The following IMMP2L variants were observed in gnomAD, a reference collection of about 807,000 sequenced individuals.
The protein encoded by IMMP2L is inner mitochondrial membrane peptidase subunit 2, also known as mitochondrial inner membrane protease subunit 2.
In IMMP2L, 18 loss-of-function variants were observed where a neutral mutation model predicts 19.3. That is an observed-to-expected ratio of 0.93 (90% confidence interval 0.64 to 1.38). IMMP2L has a LOEUF of 1.38. Among genes scored for constraint, IMMP2L ranks in the 40% most tolerant of loss-of-function variants. IMMP2L has a pLI of 0.00. For missense variants in IMMP2L, 233 were observed against 218.2 expected (o/e 1.07, Z -0.43); for synonymous variants, 76 against 73.0 (o/e 1.04, Z -0.21).
At chr7:111,309,829 C>T (rs1390037964) in intron 3 of IMMP2L, among the ~76,000 whole-genome samples, 1 of 152,026 alleles carries the variant, frequency 6.6e-6, no homozygotes, top group African/African-American at 2.4e-5. Flanking sequence ...ATGCCGCATC[C>T]CATTACTATT....
Position 111,170,275 on chromosome 7 carries a change from G to A in IMMP2L, c.240-206710C>T, listed in dbSNP as rs183834390. Reference sequence around the variant, plus strand: ...TCCAACAATTATGTTGGGAAATCAAGGCAACCTTCAAACCAGGGAATCTAG... The same window carrying A: ...TCCAACAATTATGTTGGGAAATCAAAGCAACCTTCAAACCAGGGAATCTAG... On this transcript the variant is annotated intron_variant, in intron 3 of 5. Transcript: ENST00000405709. 2.6e-5 allele frequency among the ~76,000 whole-genome samples: 4 copies of A among 151,832 alleles called. No homozygotes were observed. The East Asian group carries it at 7.8e-4, about 30-fold the overall frequency.
At chr7:111,450,938 A>C (rs1839089153) in intron 3 of IMMP2L, among the ~76,000 whole-genome samples, 1 of 151,838 alleles carries the variant, frequency 6.6e-6, no homozygotes, top group Admixed American at 6.6e-5. Flanking sequence ...ACATTTATGC[A>C]GCCAAAAAAC....
Position 110,746,656 on chromosome 7 carries a change from G to A in IMMP2L, c.409-82935C>T, listed in dbSNP as rs188486731. On this transcript the variant is annotated intron_variant, in intron 5 of 5. Coordinates refer to ENST00000405709, the MANE Select transcript of IMMP2L (RefSeq NM_032549.4). Reference sequence around the variant, plus strand: ...ACAACCTGCTCCTGAATGACTACTGGGTACATAACAAAATGAAGGCAGAAA... The same window carrying A: ...ACAACCTGCTCCTGAATGACTACTGAGTACATAACAAAATGAAGGCAGAAA... 2.5e-3 allele frequency among the ~76,000 whole-genome samples: 379 copies of A among 152,114 alleles called. 2 individuals carry two copies. Among genetic ancestry groups the A allele is most frequent in the African/African-American group, 8.5e-3 (353 of 41,484 alleles).
In IMMP2L at chr7:110,749,792, C is replaced by T. The variant is rs750755174; in HGVS notation, c.409-86071G>A. Among the ~76,000 whole-genome samples, 84 of 151,998 alleles carry T rather than the reference C, an allele frequency of 5.5e-4. 2 individuals are homozygous for T. Among genetic ancestry groups the T allele is most frequent in the East Asian group, 5.8e-4 (3 of 5,160 alleles). ...GGATAGCATTAGGAAAAATATCTAA[C>T]GTAGATGATGGGTTGAATGGGTGCA... On this transcript the variant is annotated intron_variant, in intron 5 of 5. Coordinates refer to ENST00000405709, the MANE Select transcript of IMMP2L (RefSeq NM_032549.4).
At chr7:110,829,956 T>C (rs1332337504) in intron 5 of IMMP2L, among the ~76,000 whole-genome samples, 1 of 152,106 alleles carries the variant, frequency 6.6e-6, no homozygotes, top group Admixed American at 6.6e-5. Context: ...GAAAGGATAT[T>C]ATGCATTGAT....
intron 5 of IMMP2L, among the ~76,000 whole-genome samples, chr7:110,826,485 C>A (rs896757835): frequency 6.6e-6 from 1 of 152,148 alleles, no homozygotes; most frequent in African/African-American, 2.4e-5. Flanking sequence ...GGCACATATA[C>A]ACCATGGAAT....
intron 3 of IMMP2L, among the ~76,000 whole-genome samples, chr7:111,070,943 C>T (rs992779338): frequency 5.3e-5 from 8 of 152,062 alleles, no homozygotes; most frequent in African/African-American, 1.9e-4. Flanking sequence ...ACTTTAAAAA[C>T]ATTTGTACTT....
chr7:111,366,495 C>A (rs1223115483), intron 3 of IMMP2L, among the ~76,000 whole-genome samples: 1 of 151,864 alleles, frequency 6.6e-6, no homozygotes, highest in African/African-American at 2.4e-5. Context: ...CGGCTCCATG[C>A]TGGATCCTGT....
At chr7:111,030,764 C>A (rs1182116060) in intron 3 of IMMP2L, among the ~76,000 whole-genome samples, 1 of 149,246 alleles carries the variant, frequency 6.7e-6, no homozygotes, top group Admixed American at 6.7e-5. Context: ...ACAGTAGGAA[C>A]AATAAATAAA....
chr7:110,793,643 G>C (rs540617518), intron 5 of IMMP2L, among the ~76,000 whole-genome samples: 39 of 152,186 alleles, frequency 2.6e-4, no homozygotes, highest in Non-Finnish European at 4.3e-4. Flanking sequence ...TATGTAGAAT[G>C]AGTAAGTCTA....
intron 3 of IMMP2L, among the ~76,000 whole-genome samples, chr7:111,030,539 G>C (rs943236538): frequency 6.6e-6 from 1 of 152,098 alleles, no homozygotes. Flanking sequence ...ATGCCAATTT[G>C]ACTGTGATTA....
chr7:110,845,550 C>T (rs1274289959), intron 5 of IMMP2L, among the ~76,000 whole-genome samples: 1 of 152,138 alleles, frequency 6.6e-6, no homozygotes, highest in African/African-American at 2.4e-5. Context: ...ACTAGTTTCT[C>T]TCTGTTCTAT....
In IMMP2L at chr7:110,831,757, G is replaced by A. The variant is rs753496557; in HGVS notation, c.408+54836C>T. ...CGAAAATACTAGAGGGAAAGAATCT[G>A]CAGAATCTTCATTTGTTCTCTAGAC... On this transcript the variant is annotated intron_variant, in intron 5 of 5. Coordinates refer to ENST00000405709, the MANE Select transcript of IMMP2L (RefSeq NM_032549.4). Among the ~76,000 whole-genome samples, 37 of 152,170 alleles carry A rather than the reference G, an allele frequency of 2.4e-4. 1 individual carries two copies. The highest frequency in any genetic ancestry group is 4.9e-4 in the Non-Finnish European group (33 of 68,034).
intron 3 of IMMP2L, among the ~76,000 whole-genome samples, chr7:111,268,225 T>C (rs559479950): frequency 2.6e-5 from 4 of 152,124 alleles, no homozygotes; most frequent in Admixed American, 6.6e-5. Context: ...CTGATATCCC[T>C]AAAAGGAGTA....
intron 3 of IMMP2L, among the ~76,000 whole-genome samples, chr7:111,057,648 T>C (rs1793637653): frequency 1.3e-5 from 2 of 152,202 alleles, no homozygotes; most frequent in Non-Finnish European, 1.5e-5. Context: ...GTGACACTAG[T>C]ACTCTCAAAT....
At chr7:110,823,448 A>T (rs35603750) in intron 5 of IMMP2L, among the ~76,000 whole-genome samples, 27,519 of 151,922 alleles carry the variant, frequency 0.18, 3,104 homozygotes, top group Non-Finnish European at 0.25. Flanking sequence ...ATTTTTAAAA[A>T]TTATATAATA....
chr7:111,030,921 TATATAA>T lies in IMMP2L; in HGVS notation c.240-67362_240-67357del, dbSNP rs1790741637. On this transcript the variant is annotated intron_variant, in intron 3 of 5. Coordinates refer to ENST00000405709, the MANE Select transcript of IMMP2L (RefSeq NM_032549.4). ...ATATATATATATATATATATATATA[TATATAA>T]AATATATATACACGAGAATTAGACA... Among the ~76,000 whole-genome samples, 3 of 85,422 alleles carry T rather than the reference TATATAA, an allele frequency of 3.5e-5. No homozygotes were observed. In the South Asian group the frequency reaches 1.1e-3, roughly 31 times the overall value. The allele number at this position is 85,422 out of a possible 152,430, so 56.0% of individuals were successfully genotyped here.
chr7:111,307,962 T>C (rs779573850), intron 3 of IMMP2L, among the ~76,000 whole-genome samples: 4 of 151,940 alleles, frequency 2.6e-5, no homozygotes, highest in Non-Finnish European at 4.4e-5. Flanking sequence ...TTGAACACTT[T>C]AAGCAATTCT....
intron 3 of IMMP2L, among the ~76,000 whole-genome samples, chr7:111,254,954 A>G (rs1445093348): frequency 6.6e-6 from 1 of 152,138 alleles, no homozygotes; most frequent in Non-Finnish European, 1.5e-5. Flanking sequence ...CTCAAATGTA[A>G]TTAACATAAT....
Sources: allele counts gnomAD v4.1 joint callset (sites outside exome capture counted in the v4.1 genomes callset), GRCh38; gene constraint gnomAD v4.1.1; transcripts MANE v1.5; gene names NCBI Gene and HGNC (gene_info 2026-07-23, HGNC 2026-07-21).